FHIT: variants seen among roughly 807,000 people sequenced by gnomAD.
FHIT encodes fragile histidine triad diadenosine triphosphatase.
A neutral mutation model predicts 17.9 loss-of-function variants in FHIT; 19 were observed. The observed-to-expected ratio is 1.06, with a 90% CI of 0.74 to 1.56. FHIT has a LOEUF of 1.56. Ranked by LOEUF, FHIT falls within the 40% of genes most tolerant of loss-of-function variation. FHIT has a pLI of 0.00. For synonymous variants in FHIT, 81 were observed against 69.7 expected (o/e 1.16, Z -0.81); for missense variants, 248 against 189.2 (o/e 1.31, Z -1.82).
chr3:60,225,194 C>G (rs768124516), intron 5 of FHIT, among the ~76,000 whole-genome samples: 8 of 152,204 alleles, frequency 5.3e-5, no homozygotes, highest in Non-Finnish European at 1.2e-4. Flanking sequence ...TGCCATGCCT[C>G]TGTGGCAGGC....
chr3:60,630,433 C>A (rs1011691650), intron 4 of FHIT, among the ~76,000 whole-genome samples: 1 of 152,042 alleles, frequency 6.6e-6, no homozygotes, highest in Admixed American at 6.5e-5. Flanking sequence ...TTTAGAGTTG[C>A]AAGAACCCAC....
chr3:60,538,476 T>C (rs916921896), intron 4 of FHIT, among the ~76,000 whole-genome samples: 11 of 152,332 alleles, frequency 7.2e-5, no homozygotes, highest in Admixed American at 1.3e-4. Context: ...AGAACCTGCA[T>C]TGCCAAGTCA....
chr3:60,149,621 T>G (rs948891813), intron 5 of FHIT, among the ~76,000 whole-genome samples: 4 of 152,076 alleles, frequency 2.6e-5, no homozygotes. Flanking sequence ...TGTTGCCCCA[T>G]AGCCCCTTTC....
At chr3:60,565,890 G>T (rs6446135) in intron 4 of FHIT, among the ~76,000 whole-genome samples, 1 of 151,800 alleles carries the variant, frequency 6.6e-6, no homozygotes, top group Non-Finnish European at 1.5e-5. Flanking sequence ...TTTCTCTTAT[G>T]GGCATTTAGT....
chr3:61,089,989 C>A (rs193245077), intron 2 of FHIT, among the ~76,000 whole-genome samples: 1 of 152,316 alleles, frequency 6.6e-6, no homozygotes, highest in East Asian at 1.9e-4. Context: ...AAAAGCCAAT[C>A]AACAAGCGCA....
In FHIT at chr3:59,749,166, T is replaced by C. The variant is rs562946924; in HGVS notation, c.*419A>G. On this transcript the variant is annotated 3_prime_UTR_variant, in exon 10 of 10. Transcript: ENST00000492590. ...TCATGAACCACTTAATGTATAAAAA[T>C]TCAATATGTAGACATTTTTTTTGAA... 4.4e-5 allele frequency: 10 copies of C among 229,024 alleles called. No individual in the cohort carries two copies. Among genetic ancestry groups the C allele is most frequent in the Non-Finnish European group, 7.8e-5 (9 of 115,430 alleles). 14.2% of individuals were successfully genotyped at this position (229,024 alleles called of 1,614,324 possible).
chr3:60,976,210 G>A (rs1355734565), intron 3 of FHIT, among the ~76,000 whole-genome samples: 2 of 139,452 alleles, frequency 1.4e-5, no homozygotes, highest in East Asian at 4.4e-4. Flanking sequence ...GGGTTCAAGT[G>A]ATTCTTTTGC....
chr3:60,007,269 T>C (rs967966743), intron 7 of FHIT, among the ~76,000 whole-genome samples: 1 of 152,182 alleles, frequency 6.6e-6, no homozygotes, highest in Non-Finnish European at 1.5e-5. Context: ...AATGGTTAGA[T>C]TAGATGGAAT....
At chr3:60,860,312 C>CATGAGATACATCATATGTATAT in intron 3 of FHIT, among the ~76,000 whole-genome samples, 1 of 148,454 alleles carries the variant, frequency 6.7e-6, no homozygotes, top group Non-Finnish European at 1.5e-5. Flanking sequence ...CATATGTATA[C>CATGAGATACATCATATGTATAT]ATGAGATACA....
chr3:61,178,173 G>A (rs896664497), intron 2 of FHIT, among the ~76,000 whole-genome samples: 4 of 152,198 alleles, frequency 2.6e-5, no homozygotes, highest in Admixed American at 6.5e-5. Flanking sequence ...AATAGTAACC[G>A]GCAGTTATTG....
At chr3:61,056,939 A>G (rs1341739988) in intron 2 of FHIT, among the ~76,000 whole-genome samples, 1 of 152,200 alleles carries the variant, frequency 6.6e-6, no homozygotes, top group Non-Finnish European at 1.5e-5. Flanking sequence ...GATAAAAAAA[A>G]CAAACTTACT....
intron 5 of FHIT, among the ~76,000 whole-genome samples, chr3:60,500,771 TAAAAA>T (rs71092606): frequency 4.3e-4 from 28 of 64,860 alleles, no homozygotes; most frequent in African/African-American, 1.0e-3. Flanking sequence ...AGCATCCATC[TAAAAA>T]AAAAAAAAAA....
chr3:59,848,757 GGT>G (rs1559659398), intron 8 of FHIT, among the ~76,000 whole-genome samples: 1 of 152,070 alleles, frequency 6.6e-6, no homozygotes, highest in Non-Finnish European at 1.5e-5. Flanking sequence ...TTCCAAATAT[GGT>G]GTCATATAAA....
intron 1 of FHIT, among the ~76,000 whole-genome samples, chr3:61,205,690 T>C (rs980900482): frequency 2.0e-5 from 3 of 152,236 alleles, no homozygotes; most frequent in Non-Finnish European, 4.4e-5. Flanking sequence ...GTAAATTTAT[T>C]TGAGTTCATT....
chr3:60,697,444 T>G (rs1553700901), intron 4 of FHIT, among the ~76,000 whole-genome samples: 2 of 152,130 alleles, frequency 1.3e-5, no homozygotes. Context: ...ATTTCACAAT[T>G]TTATTTAAAT....
intron 5 of FHIT, among the ~76,000 whole-genome samples, chr3:60,354,761 T>G (rs1266021883): frequency 6.6e-6 from 1 of 152,206 alleles, no homozygotes; most frequent in African/African-American, 2.4e-5. Context: ...CTGATTCTGC[T>G]TAACTCTACT....
chr3:59,832,612 G>A (rs1701203977), intron 8 of FHIT, among the ~76,000 whole-genome samples: 1 of 152,148 alleles, frequency 6.6e-6, no homozygotes, highest in South Asian at 2.1e-4. Context: ...CTTCAGCCTA[G>A]GTCTTGGAAT....
chr3:60,372,979 C>A (rs1231308128), intron 5 of FHIT, among the ~76,000 whole-genome samples: 2 of 152,104 alleles, frequency 1.3e-5, no homozygotes, highest in Non-Finnish European at 2.9e-5. Context: ...CATTTCTGTT[C>A]TAGAGCCTAC....
chr3:60,358,617 T>A (rs1172923307), intron 5 of FHIT, among the ~76,000 whole-genome samples: 1 of 152,190 alleles, frequency 6.6e-6, no homozygotes, highest in Admixed American at 6.5e-5. Context: ...AAGAGCATAG[T>A]GAAAGGCTAA....
Sources: gnomAD v4.1 joint callset for allele counts (sites outside exome capture counted in the v4.1 genomes callset) on GRCh38, gnomAD v4.1.1 for gene constraint, MANE v1.5 for transcripts, NCBI Gene and HGNC (gene_info 2026-07-23, HGNC 2026-07-21) for gene names.